The following AASDH variants were observed in gnomAD, a reference collection of about 807,000 sequenced individuals.
AASDH encodes beta-alanine-activating enzyme.
AASDH carries 81 observed loss-of-function variants against 102.3 expected under a neutral mutation model. The ratio of observed to expected loss-of-function variants is 0.79; its 90% confidence interval spans 0.66 to 0.95. The LOEUF is 0.95. Ranked by LOEUF, AASDH falls within the 40% of genes least tolerant of loss-of-function variation. AASDH has a pLI of 0.00. For missense variants in AASDH, 1,203 were observed against 1,266.2 expected, an observed-to-expected ratio of 0.95 and a Z score of 0.76; for synonymous variants, 398 against 454.0, an observed-to-expected ratio of 0.88 and a Z score of 1.57.
At chr4:56,360,194 T>C (rs892687055) in intron 5 of AASDH, among the ~76,000 whole-genome samples, 2 of 152,334 alleles carry the variant, frequency 1.3e-5, no homozygotes, top group African/African-American at 4.8e-5. Context: ...GTCTCTTATG[T>C]GCATGAACAC....
intron 5 of AASDH, among the ~76,000 whole-genome samples, chr4:56,368,429 T>C (rs547412542): frequency 1.1e-4 from 16 of 152,224 alleles, no homozygotes; most frequent in Non-Finnish European, 1.6e-4. Flanking sequence ...CATATGTTTA[T>C]TGCGGCACTA....
intron 2 of AASDH, 47 bp from the exon 3 acceptor site, chr4:56,382,644 T>C: frequency 6.4e-7 from 1 of 1,571,740 alleles, no homozygotes; most frequent in Non-Finnish European, 8.6e-7. Context: ...GTTGATTTAG[T>C]ATTTGTTTAA....
intron 11 of AASDH, 70 bp downstream of exon 11, chr4:56,349,193 A>T: frequency 6.7e-7 from 1 of 1,495,094 alleles, no homozygotes; most frequent in Non-Finnish European, 9.1e-7. Flanking sequence ...AAAAAATTTA[A>T]CTTGGGCCTA....
At position 56,351,112 on chromosome 4, in the gene AASDH, T is replaced by C. The variant is rs1748947216; in HGVS notation, c.1692+230A>G. ...AGGCTTTGTCTACTTGTGCCTTTTA[T>C]GACTACTTCACTTTCAATAAATTTC... On this transcript the variant is annotated intron_variant, in intron 10 of 14. Transcript: ENST00000205214. Among the ~76,000 whole-genome samples, 3 of 152,238 alleles carry C rather than the reference T, an allele frequency of 2.0e-5. No individual in the cohort carries two copies. The South Asian group carries it at 6.2e-4, about 31-fold the overall frequency.
At chr4:56,378,046 T>C in intron 4 of AASDH, 102 bp downstream of exon 4, 1 of 1,144,796 alleles carries the variant, frequency 8.7e-7, no homozygotes, top group South Asian at 1.6e-5. Context: ...CCTCAAGTGA[T>C]CCACCCGCCT....
At chr4:56,372,901 G>A (rs1751915659) in intron 4 of AASDH, among the ~76,000 whole-genome samples, 2 of 152,234 alleles carry the variant, frequency 1.3e-5, no homozygotes, top group Non-Finnish European at 1.5e-5. Context: ...GTGGACAGCT[G>A]TGTAGAAATG....
At position 56,338,474 on chromosome 4, in the gene AASDH, T is replaced by C; in HGVS notation, c.3225A>G (p.Glu1075=). The change falls in exon 15 of 15, where the codon GAA becomes GAG. Residue 1075 remains glutamate (E), a synonymous_variant. Transcript: ENST00000205214. ...GEVFSSPVVL[E]SMLIIGCRDN... is the part of the protein sequence containing the mutation. Reference sequence around the variant, plus strand: ...CTCTACACCCAATAATGAGCATTGATTCCAGGACCACAGGAGAAGAGAAGA... The same window carrying C: ...CTCTACACCCAATAATGAGCATTGACTCCAGGACCACAGGAGAAGAGAAGA... 2.5e-6 allele frequency: 4 copies of C among 1,614,080 alleles called. No individual in the cohort carries two copies. The highest frequency in any genetic ancestry group is 3.4e-6 in the Non-Finnish European group (4 of 1,180,002).
chr4:56,339,649 G>A (rs933405206), intron 14 of AASDH, among the ~76,000 whole-genome samples: 1 of 151,046 alleles, frequency 6.6e-6, no homozygotes, highest in Non-Finnish European at 1.5e-5. Flanking sequence ...TACTGGGGAG[G>A]CTGAGGTGGG....
Position 56,338,650 on chromosome 4 carries a change from T to C in AASDH, c.3049A>G (p.Thr1017Ala). The C allele has an allele frequency of 6.2e-7, 1 of 1,614,210 alleles. No individual in the cohort carries two copies. The highest frequency in any genetic ancestry group is 8.5e-7 in the Non-Finnish European group (1 of 1,180,044). The part of the protein sequence containing the change: ...KGHLQWKFET[T>A]SRVYATPFAF... The stretch of plus-strand genomic sequence containing the variant: ...AACGGTGTTGCATAGACCCTTGAAG[T>C]AGTTTCAAATTTCCACTGCAGGTGA... Residue 1017 changes from threonine (T) to alanine (A), a missense_variant, in exon 15 of 15, where the codon ACT (threonine) becomes GCT (alanine). Transcript: ENST00000205214.
intron 5 of AASDH, chr4:56,356,195 C>A: frequency 2.7e-6 from 2 of 739,492 alleles, no homozygotes; most frequent in Non-Finnish European, 4.9e-6. Context: ...TGTGAAGAAG[C>A]AGGAGGACAA....
At chr4:56,358,866 T>C (rs573683409) in intron 5 of AASDH, among the ~76,000 whole-genome samples, 1 of 152,308 alleles carries the variant, frequency 6.6e-6, no homozygotes, top group Non-Finnish European at 1.5e-5. Context: ...TACTAGCTGA[T>C]TTCTGTCTAG....
chr4:56,343,426 T>G, intron 13 of AASDH, 136 bp downstream of exon 13: 1 of 544,960 alleles, frequency 1.8e-6, no homozygotes, highest in Non-Finnish European at 3.1e-6. Context: ...TGTCAATCAT[T>G]TTTAATGAAT....
chr4:56,345,355 T>C (rs567269356), intron 11 of AASDH, 65 bp from the exon 12 acceptor site: 2 of 1,463,822 alleles, frequency 1.4e-6, no homozygotes, highest in Non-Finnish European at 1.9e-6. Context: ...TTCTTTAGCC[T>C]ACAGCATGCA....
At position 56,360,692 on chromosome 4, in the gene AASDH, C is replaced by T. The variant is rs190165918; in HGVS notation, c.862-5269G>A. On this transcript the variant is annotated intron_variant, in intron 5 of 14. Coordinates refer to ENST00000205214, the MANE Select transcript of AASDH (RefSeq NM_181806.4). ...TAATCTGTTAATCTCTTCACTTGGC[C>T]AGAGCCAAAAGTCACATGGGAATAA... is the stretch of plus-strand genomic sequence containing the variant. Among the ~76,000 whole-genome samples the T allele has an allele frequency of 2.6e-3, 393 of 152,118 alleles. 4 individuals carry two copies. Among genetic ancestry groups the T allele is most frequent in the African/African-American group, 8.9e-3 (370 of 41,474 alleles).
intron 14 of AASDH, among the ~76,000 whole-genome samples, chr4:56,339,921 CACTTT>C: frequency 6.6e-6 from 1 of 151,914 alleles, no homozygotes; most frequent in Non-Finnish European, 1.5e-5. Flanking sequence ...GTAATCCCAA[CACTTT>C]GGGAGGCCAA....
At chr4:56,386,336 A>C (rs1753550422) in intron 1 of AASDH, among the ~76,000 whole-genome samples, 1 of 152,182 alleles carries the variant, frequency 6.6e-6, no homozygotes, top group African/African-American at 2.4e-5. Context: ...TCTATACGAT[A>C]ATTAAGATGT....
In AASDH at chr4:56,338,892, G is replaced by A. The variant is rs139033817; in HGVS notation, c.2908-101C>T. The A allele has an allele frequency of 3.4e-4, 411 of 1,195,428 alleles. 2 individuals carry two copies. The African/African-American group carries it at 5.0e-3, about 14-fold the overall frequency. 74.1% of individuals were successfully genotyped at this position (1,195,428 alleles called of 1,614,324 possible). A position where few individuals can be genotyped will look rare whatever the true frequency, so the allele number is the denominator to read the frequency against. On this transcript the variant is annotated intron_variant, in intron 14 of 14. Transcript: ENST00000205214. ...CTTAATGCAAATCTAAGAGATATAG[G>A]CTATTTGAATGGTAACTATACACAG...
At chr4:56,386,068 A>AT (rs1295603881) in intron 1 of AASDH, among the ~76,000 whole-genome samples, 1 of 152,224 alleles carries the variant, frequency 6.6e-6, no homozygotes, top group African/African-American at 2.4e-5. Flanking sequence ...GCCAAGACCC[A>AT]TAAGTTTGAA....
chr4:56,377,479 C>T (rs1206538938), intron 4 of AASDH, among the ~76,000 whole-genome samples: 3 of 152,246 alleles, frequency 2.0e-5, no homozygotes, highest in Non-Finnish European at 4.4e-5. Context: ...TGATCTTTCA[C>T]TGTTTCCTCA....
Sources: gnomAD v4.1 joint callset for allele counts (sites outside exome capture counted in the v4.1 genomes callset) on GRCh38, gnomAD v4.1.1 for gene constraint, MANE v1.5 for transcripts, NCBI Gene and HGNC (gene_info 2026-07-23, HGNC 2026-07-21) for gene names.